The following RNF115 variants were observed in gnomAD, a reference collection of about 807,000 sequenced individuals.
RNF115 encodes the protein ring finger protein 115.
A neutral mutation model predicts 39.2 loss-of-function variants in RNF115; 31 were observed. The observed-to-expected ratio is 0.79, with a 90% confidence interval of 0.59 to 1.07. RNF115 has a LOEUF of 1.07. Ranked by LOEUF, RNF115 falls within the 50% of genes least tolerant of loss-of-function variation. The pLI is 0.00. For missense variants in RNF115, 384 were observed against 381.7 expected (o/e 1.01, Z -0.05); for synonymous variants, 124 against 131.0 (o/e 0.95, Z 0.37).
chr1:145,793,867 G>A (rs1648803893), intron 1 of RNF115, among the ~76,000 whole-genome samples: 1 of 137,814 alleles, frequency 7.3e-6, no homozygotes, highest in Non-Finnish European at 1.5e-5. Context: ...TTTTTGAGAC[G>A]AAGTCTCGCT....
In RNF115 at chr1:145,812,507, A is replaced by G. The variant is rs587730282; in HGVS notation, c.102+11265T>C. 3.9e-4 allele frequency among the ~76,000 whole-genome samples: 59 copies of G among 151,314 alleles called. 1 individual carries two copies. In the South Asian group the frequency reaches 0.012, roughly 31 times the overall value. On this transcript the variant is annotated intron_variant, in intron 1 of 8. Transcript: ENST00000582693. ...AAACCCCGCCTCTACTAAAAATACA[A>G]AAATTAGCCAGGTGTGGTGGCGCAC... is the stretch of plus-strand genomic sequence containing the variant.
chr1:145,791,749 T>C (rs587714410), intron 1 of RNF115, among the ~76,000 whole-genome samples: 1 of 152,254 alleles, frequency 6.6e-6, no homozygotes, highest in East Asian at 1.9e-4. Context: ...TTAAGTAATA[T>C]CAAGCTTTGG....
At chr1:145,767,993 G>GTT (rs1647452860) in intron 4 of RNF115, among the ~76,000 whole-genome samples, 1 of 150,726 alleles carries the variant, frequency 6.6e-6, no homozygotes, top group Admixed American at 6.6e-5. Flanking sequence ...GGGAGACCGT[G>GTT]GGGAGAGGGA....
chr1:145,755,620 T>C (rs1658265356), intron 4 of RNF115, among the ~76,000 whole-genome samples: 1 of 152,144 alleles, frequency 6.6e-6, no homozygotes, highest in Non-Finnish European at 1.5e-5. Flanking sequence ...GATATCTGGA[T>C]ACCGGTGCCG....
chr1:145,784,494 C>A (rs1553717866), intron 3 of RNF115, 45 bp downstream of exon 3: 1 of 1,544,698 alleles, frequency 6.5e-7, no homozygotes, highest in East Asian at 2.2e-5. Context: ...GATTTTAACA[C>A]CTAACCACTT....
intron 1 of RNF115, among the ~76,000 whole-genome samples, chr1:145,800,299 G>A (rs1553720714): frequency 6.6e-6 from 1 of 152,128 alleles, no homozygotes. Context: ...ACCACTCTGT[G>A]AGGTAAATAT....
At position 145,763,474 on chromosome 1, in the gene RNF115, G is replaced by C. The variant is rs145512439; in HGVS notation, c.428+8237C>G. On this transcript the variant is annotated intron_variant, in intron 4 of 8. Coordinates refer to ENST00000582693, the MANE Select transcript of RNF115 (RefSeq NM_014455.4). ...ACACCTTGGGAGGCCAAAGCAGGCA[G>C]ATCACTTGAGATCAGGAGTTCGAGA... Among the ~76,000 whole-genome samples, 176 of 152,362 alleles carry C rather than the reference G, an allele frequency of 1.2e-3. 1 individual carries two copies. Among genetic ancestry groups the C allele is most frequent in the Non-Finnish European group, 2.2e-3 (152 of 68,038 alleles).
chr1:145,808,044 A>G (rs1571779198), intron 1 of RNF115, among the ~76,000 whole-genome samples: 1 of 116,348 alleles, frequency 8.6e-6, no homozygotes. Flanking sequence ...ATGGCCAAAC[A>G]CTATTCTCTT....
intron 4 of RNF115, among the ~76,000 whole-genome samples, chr1:145,757,930 A>G (rs1392324875): frequency 2.6e-5 from 4 of 152,198 alleles, no homozygotes; most frequent in African/African-American, 9.7e-5. Context: ...ACAGCTACCT[A>G]TATTTCAAGC....
chr1:145,792,132 C>A lies in RNF115; in HGVS notation c.103-3166G>T, dbSNP rs376972943. Among the ~76,000 whole-genome samples, 42 of 152,170 alleles carry A rather than the reference C, an allele frequency of 2.8e-4. No homozygotes were observed. The Middle Eastern group carries it at 0.014, about 49-fold the overall frequency. On this transcript the variant is annotated intron_variant, in intron 1 of 8. Transcript: ENST00000582693. ...GTCTTGCCACGTTGCCCTGGCTGGT[C>A]TGAAAGAACTCCTGAGCTCAAGCAA...
intron 1 of RNF115, among the ~76,000 whole-genome samples, chr1:145,805,152 AAAGT>A (rs1336314367): frequency 6.6e-6 from 1 of 152,208 alleles, no homozygotes; most frequent in Non-Finnish European, 1.5e-5. Context: ...CATCGAAATA[AAAGT>A]AATACTTGGA....
intron 1 of RNF115, among the ~76,000 whole-genome samples, chr1:145,790,759 G>A (rs1310073783): frequency 2.6e-5 from 4 of 152,104 alleles, no homozygotes; most frequent in Non-Finnish European, 2.9e-5. Context: ...TGAATTCATC[G>A]TCCAATTTTT....
intron 1 of RNF115, among the ~76,000 whole-genome samples, chr1:145,801,706 GTAT>G (rs1649250104): frequency 6.6e-6 from 1 of 152,136 alleles, no homozygotes; most frequent in African/African-American, 2.4e-5. Context: ...TATTTCCAAT[GTAT>G]GCAGTCACAA....
intron 1 of RNF115, among the ~76,000 whole-genome samples, chr1:145,814,928 T>A (rs1649914477): frequency 7.6e-6 from 1 of 131,238 alleles, no homozygotes; most frequent in Non-Finnish European, 1.6e-5. Context: ...AAGTCATCAC[T>A]TTTTAAATAT....
chr1:145,754,685 T>C (rs1344594903), intron 4 of RNF115, among the ~76,000 whole-genome samples: 1 of 152,208 alleles, frequency 6.6e-6, no homozygotes, highest in Non-Finnish European at 1.5e-5. Flanking sequence ...AACAGATCTC[T>C]TGAACTTTTA....
chr1:145,768,637 A>T (rs1647493303), intron 4 of RNF115, among the ~76,000 whole-genome samples: 1 of 152,198 alleles, frequency 6.6e-6, no homozygotes, highest in Non-Finnish European at 1.5e-5. Context: ...TACTCTGTCT[A>T]CAGTGAAACC....
Position 145,823,052 on chromosome 1 carries a change from C to A in RNF115, c.102+720G>T, listed in dbSNP as rs587724366. On this transcript the variant is annotated intron_variant, in intron 1 of 8. Transcript: ENST00000582693. ...GAAAGGGACAGGGCGGGGGGCGGAACAATGATATTAAAGACACTGGCAGCA... is the reference window on the plus strand; with the variant it reads ...GAAAGGGACAGGGCGGGGGGCGGAAAAATGATATTAAAGACACTGGCAGCA... Among the ~76,000 whole-genome samples, 74 of 78,730 alleles carry A rather than the reference C, an allele frequency of 9.4e-4. 2 individuals are homozygous for A. In the East Asian group the frequency reaches 0.016, roughly 17 times the overall value. The allele number at this position is 78,730 out of a possible 152,430, so 51.6% of individuals were successfully genotyped here.
chr1:145,751,892 A>G (rs1393737196), intron 5 of RNF115, among the ~76,000 whole-genome samples: 1 of 152,226 alleles, frequency 6.6e-6, no homozygotes, highest in African/African-American at 2.4e-5. Context: ...CAAAATCTAC[A>G]GCAAACATCC....
chr1:145,807,540 T>C (rs985584656), intron 1 of RNF115, among the ~76,000 whole-genome samples: 30 of 152,342 alleles, frequency 2.0e-4, no homozygotes, highest in African/African-American at 7.2e-4. Flanking sequence ...TTCTCACTTA[T>C]TAATATTACT....
Sources: gnomAD v4.1 joint callset for allele counts (sites outside exome capture counted in the v4.1 genomes callset) on GRCh38, gnomAD v4.1.1 for gene constraint, MANE v1.5 for transcripts, NCBI Gene and HGNC (gene_info 2026-07-23, HGNC 2026-07-21) for gene names.